Variants in MYO10 observed in about 807,000 individuals in gnomAD.
MYO10 encodes the protein unconventional myosin-X.
A neutral mutation model predicts 257.3 loss-of-function variants in MYO10; 133 were observed. That is an observed-to-expected ratio of 0.52 (90% CI 0.45 to 0.60). The LOEUF is 0.60. Among genes scored for constraint, MYO10 ranks in the 20% least tolerant of loss-of-function variants. The pLI, the probability that MYO10 is intolerant of heterozygous loss-of-function variation, is 0.00. For missense variants in MYO10, 2,399 were observed against 2,635.7 expected, an observed-to-expected ratio of 0.91 and a Z score of 1.97; for synonymous variants, 1,104 against 1,028.6, an observed-to-expected ratio of 1.07 and a Z score of -1.40.
intron 5 of MYO10, among the ~76,000 whole-genome samples, chr5:16,782,481 A>G (rs1199917583): frequency 6.6e-6 from 1 of 152,224 alleles, no homozygotes; most frequent in Non-Finnish European, 1.5e-5. Flanking sequence ...GACAGATGGC[A>G]GCAATGGTTG....
chr5:16,934,638 C>T (rs1001542588), intron 1 of MYO10, among the ~76,000 whole-genome samples: 4 of 152,170 alleles, frequency 2.6e-5, no homozygotes, highest in African/African-American at 9.7e-5. Flanking sequence ...TCTAGTCTTC[C>T]TTCCACAATG....
chr5:16,718,313 A>AATG (rs1480029186), intron 19 of MYO10, among the ~76,000 whole-genome samples: 46 of 152,174 alleles, frequency 3.0e-4, no homozygotes, highest in African/African-American at 9.7e-4. Flanking sequence ...AGTCCCATCG[A>AATG]CCACCTAAGG....
chr5:16,796,969 G>A (rs1039706567), intron 3 of MYO10, among the ~76,000 whole-genome samples: 2 of 135,406 alleles, frequency 1.5e-5, no homozygotes, highest in African/African-American at 5.3e-5. Flanking sequence ...TACACCCAGG[G>A]GGGTTGGCGG....
In MYO10 at chr5:16,781,832, G is replaced by A. The variant is rs771265942; in HGVS notation, c.603-3C>T. On this transcript the variant is annotated splice_region_variant and splice_polypyrimidine_tract_variant and intron_variant, in intron 5 of 40. Coordinates refer to ENST00000513610, the MANE Select transcript of MYO10 (RefSeq NM_012334.3). ...TGCCGAAAGCTTCCATGATGGGGCT[G>A]TGAAGACAGTGAGGGCAGCAGACAG... is the stretch of plus-strand genomic sequence containing the variant. The A allele has an allele frequency of 5.0e-6, 8 of 1,613,792 alleles. No homozygotes were observed. The Admixed American group carries it at 1.0e-4, about 20-fold the overall frequency.
At chr5:16,685,615 A>G (rs1397409148) in intron 29 of MYO10, 123 bp downstream of exon 29, 11 of 714,672 alleles carry the variant, frequency 1.5e-5, no homozygotes, top group East Asian at 1.3e-4. Flanking sequence ...TAATTATTCT[A>G]TATTTACCTT....
intron 27 of MYO10, among the ~76,000 whole-genome samples, chr5:16,690,905 C>G (rs1356525320): frequency 6.6e-6 from 1 of 151,976 alleles, no homozygotes; most frequent in Non-Finnish European, 1.5e-5. Flanking sequence ...TAGGATCAGA[C>G]CAGAGATAGT....
intron 1 of MYO10, among the ~76,000 whole-genome samples, chr5:16,925,429 C>T (rs1221704605): frequency 5.9e-5 from 9 of 152,166 alleles, no homozygotes; most frequent in Non-Finnish European, 1.3e-4. Context: ...TTACGGTATA[C>T]TCCTGGGTTG....
At chr5:16,685,247 G>A (rs1030478370) in intron 29 of MYO10, among the ~76,000 whole-genome samples, 3 of 152,060 alleles carry the variant, frequency 2.0e-5, no homozygotes, top group African/African-American at 7.2e-5. Flanking sequence ...TAGGAGACAG[G>A]GTCAGGCTGC....
Position 16,919,940 on chromosome 5 carries a change from G to A in MYO10, c.21+15848C>T, listed in dbSNP as rs185620762. 2.7e-3 allele frequency among the ~76,000 whole-genome samples: 413 copies of A among 152,228 alleles called. 4 individuals carry two copies. The highest frequency in any genetic ancestry group is 9.7e-3 in the African/African-American group (402 of 41,532). On this transcript the variant is annotated intron_variant, in intron 1 of 40. Coordinates refer to ENST00000513610, the MANE Select transcript of MYO10 (RefSeq NM_012334.3). ...ATCCTGGCCAACATGGTGAAACCCCGTCTCTACTAAAAATACAAAAATTAT... is the reference window on the plus strand; with the variant it reads ...ATCCTGGCCAACATGGTGAAACCCCATCTCTACTAAAAATACAAAAATTAT...
At chr5:16,668,577 A>G in intron 39 of MYO10, 109 bp from the exon 40 acceptor site, 1 of 841,958 alleles carries the variant, frequency 1.2e-6, no homozygotes, top group Non-Finnish European at 1.7e-6. Flanking sequence ...AGAAGATTAA[A>G]TATATTCGAT....
Position 16,705,353 on chromosome 5 carries a change from G to A in MYO10, c.2170-668C>T, listed in dbSNP as rs186558188. ...AATCAGGACTAAATAAATTGTAGCT[G>A]TTTGCTTGCCTATGTCTGAGAATGG... On this transcript the variant is annotated intron_variant, in intron 21 of 40. Transcript: ENST00000513610. Among the ~76,000 whole-genome samples, 10 of 152,176 alleles carry A rather than the reference G, an allele frequency of 6.6e-5. No homozygotes were observed. The East Asian group carries it at 1.7e-3, about 26-fold the overall frequency.
At chr5:16,676,736 C>T (rs1736742133) in intron 33 of MYO10, among the ~76,000 whole-genome samples, 1 of 152,104 alleles carries the variant, frequency 6.6e-6, no homozygotes, top group Non-Finnish European at 1.5e-5. Flanking sequence ...TTAGGCTGGG[C>T]ACAGTGGCTC....
intron 2 of MYO10, among the ~76,000 whole-genome samples, chr5:16,833,743 T>C (rs1377650815): frequency 3.3e-5 from 5 of 152,204 alleles, no homozygotes. Context: ...CCAGTTACTC[T>C]GCTCTCCAAT....
intron 2 of MYO10, among the ~76,000 whole-genome samples, chr5:16,847,423 C>CA (rs34084990): frequency 0.016 from 2,187 of 134,256 alleles, 43 homozygotes; most frequent in African/African-American, 0.049. Context: ...GACTCCACCT[C>CA]AAAAAAAAAA....
chr5:16,673,284 T>C (rs1449832643), intron 36 of MYO10, among the ~76,000 whole-genome samples: 2 of 151,832 alleles, frequency 1.3e-5, no homozygotes, highest in African/African-American at 4.8e-5. Context: ...TTTATAATAG[T>C]AAGTTCAAAT....
At chr5:16,763,441 A>AC in intron 14 of MYO10, 40 bp downstream of exon 14, 1 of 1,491,456 alleles carries the variant, frequency 6.7e-7, no homozygotes, top group Non-Finnish European at 9.3e-7. Context: ...GTCCAGCTGG[A>AC]CCCCCTTGGG....
intron 2 of MYO10, chr5:16,853,995 T>A (rs183421555): frequency 6.6e-6 from 1 of 151,902 alleles, no homozygotes; most frequent in African/African-American, 2.4e-5. Flanking sequence ...TGCCTAAGAG[T>A]CTACGGCCTT....
chr5:16,840,702 C>A (rs1344853733), intron 2 of MYO10, among the ~76,000 whole-genome samples: 2 of 151,766 alleles, frequency 1.3e-5, no homozygotes, highest in Admixed American at 6.6e-5. Context: ...ATGCAATATG[C>A]ATTTTTGTTG....
intron 2 of MYO10, among the ~76,000 whole-genome samples, chr5:16,839,315 C>A (rs538407592): frequency 6.6e-6 from 1 of 152,168 alleles, no homozygotes; most frequent in African/African-American, 2.4e-5. Flanking sequence ...ATTATTCCAA[C>A]CCTCATGTAT....
Sources: allele counts gnomAD v4.1 joint callset (sites outside exome capture counted in the v4.1 genomes callset), GRCh38; gene constraint gnomAD v4.1.1; transcripts MANE v1.5; gene names NCBI Gene and HGNC (gene_info 2026-07-23, HGNC 2026-07-21).